The following REPS1 variants were observed in gnomAD, a reference collection of about 807,000 sequenced individuals.
The protein encoded by REPS1 is RALBP1 associated Eps domain containing 1.
Under a neutral mutation model 100.9 loss-of-function variants are expected in REPS1, and 39 were observed. That is an observed-to-expected ratio of 0.39 (90% CI 0.30 to 0.50). REPS1 has a LOEUF of 0.50. Ranked by LOEUF, REPS1 falls within the 20% of genes least tolerant of loss-of-function variation. The pLI, the probability that REPS1 is intolerant of heterozygous loss-of-function variation, is 0.86. For synonymous variants in REPS1, 324 were observed against 340.3 expected (o/e 0.95, Z 0.53); for missense variants, 821 against 968.5 (o/e 0.85, Z 2.02).
chr6:138,952,411 T>C (rs1212979971), intron 1 of REPS1, among the ~76,000 whole-genome samples: 3 of 151,902 alleles, frequency 2.0e-5, no homozygotes, highest in South Asian at 2.1e-4. Context: ...TTTTTTTTTT[T>C]CCTCTGAGAC....
At chr6:138,916,569 T>TA (rs1309474124) in intron 13 of REPS1, among the ~76,000 whole-genome samples, 2 of 152,102 alleles carry the variant, frequency 1.3e-5, no homozygotes, top group Non-Finnish European at 2.9e-5. Context: ...ACTGCATACT[T>TA]AGTGTTACGC....
intron 18 of REPS1, among the ~76,000 whole-genome samples, chr6:138,907,897 G>A (rs1779765714): frequency 6.6e-6 from 1 of 152,106 alleles, no homozygotes; most frequent in Non-Finnish European, 1.5e-5. Context: ...AAACCAGATA[G>A]TAAATAATTT....
At chr6:138,921,871 G>A (rs1179362422) in intron 10 of REPS1, among the ~76,000 whole-genome samples, 9 of 151,976 alleles carry the variant, frequency 5.9e-5, no homozygotes, top group South Asian at 2.1e-4. Flanking sequence ...CACTGCGCCC[G>A]GCCAGGTAGG....
chr6:138,909,862 T>C (rs1454474197), intron 17 of REPS1, among the ~76,000 whole-genome samples: 1 of 152,148 alleles, frequency 6.6e-6, no homozygotes, highest in Non-Finnish European at 1.5e-5. Context: ...AACAGACTAA[T>C]ACACACACAG....
chr6:138,937,516 T>C (rs918608191), intron 8 of REPS1, among the ~76,000 whole-genome samples: 4 of 149,278 alleles, frequency 2.7e-5, no homozygotes, highest in Middle Eastern at 3.4e-3. Context: ...TTCTCTTCTC[T>C]GGCTTAAAAA....
intron 13 of REPS1, among the ~76,000 whole-genome samples, chr6:138,917,213 T>C (rs1780458017): frequency 6.6e-6 from 1 of 152,190 alleles, no homozygotes; most frequent in African/African-American, 2.4e-5. Context: ...TTGGATGGTG[T>C]TTTAAAACAC....
rs1779819794 is a variant in REPS1, at chr6:138,908,701, G to C, written c.2183C>G (p.Ala728Gly). The change falls in exon 18 of 20, where the codon GCT becomes GGT. Residue 728 changes from alanine (A) to glycine (G), a missense_variant. Transcript: ENST00000450536. ...AGAAGGTTGTGATGCAAGAACAGCAGCTAAGACACCCGTCTTTTGTGTATG... is the reference window on the plus strand; with the variant it reads ...AGAAGGTTGTGATGCAAGAACAGCACCTAAGACACCCGTCTTTTGTGTATG... Reference protein sequence around the residue: ...DEHTQKTGVLAAVLASQPSIP... With the variant: ...DEHTQKTGVLGAVLASQPSIP... 1 of 1,614,174 alleles carries C rather than the reference G, an allele frequency of 6.2e-7. No individual in the cohort carries two copies. The highest frequency in any genetic ancestry group is 2.2e-5 in the East Asian group (1 of 44,882).
chr6:138,955,851 A>G (rs1783350564), intron 1 of REPS1, among the ~76,000 whole-genome samples: 1 of 152,182 alleles, frequency 6.6e-6, no homozygotes, highest in Admixed American at 6.5e-5. Context: ...ACTGAGGAAA[A>G]TAATACACTA....
chr6:138,914,800 TA>T (rs775556031), intron 14 of REPS1, 39 bp from the exon 15 acceptor site: 1 of 1,527,964 alleles, frequency 6.5e-7, no homozygotes, highest in Non-Finnish European at 9.0e-7. Flanking sequence ...AGTAACTGTA[TA>T]ATCACTTTGT....
At chr6:138,949,854 G>A (rs1782899362) in intron 1 of REPS1, among the ~76,000 whole-genome samples, 1 of 152,188 alleles carries the variant, frequency 6.6e-6, no homozygotes, top group South Asian at 2.1e-4. Flanking sequence ...AGCTGTAAGT[G>A]TGTGTAGAAT....
At chr6:138,985,529 C>T (rs1562575017) in intron 1 of REPS1, among the ~76,000 whole-genome samples, 2 of 152,208 alleles carry the variant, frequency 1.3e-5, no homozygotes, top group Non-Finnish European at 2.9e-5. Flanking sequence ...GGGAATTAAG[C>T]ACATATTCTC....
chr6:138,935,396 TA>T (rs1562532079), intron 8 of REPS1, among the ~76,000 whole-genome samples: 3 of 152,202 alleles, frequency 2.0e-5, no homozygotes, highest in African/African-American at 7.2e-5. Flanking sequence ...CTACAATATA[TA>T]GGAGGTTCCT....
At chr6:138,905,158 A>C (rs1779548106) in intron 19 of REPS1, 26 bp from the exon 20 acceptor site, 1 of 1,414,248 alleles carries the variant, frequency 7.1e-7, no homozygotes, top group Non-Finnish European at 1.0e-6. Flanking sequence ...AGGCCAAGTT[A>C]TGTTTCAAAG....
chr6:138,933,652 T>A (rs574692311), intron 8 of REPS1, among the ~76,000 whole-genome samples: 2 of 152,260 alleles, frequency 1.3e-5, no homozygotes, highest in East Asian at 3.9e-4. Flanking sequence ...GTAAAAGAAA[T>A]TTGCAAAAAT....
chr6:138,942,096 T>G (rs1047585280), intron 7 of REPS1, among the ~76,000 whole-genome samples: 3 of 152,046 alleles, frequency 2.0e-5, no homozygotes, highest in African/African-American at 7.2e-5. Context: ...CCACCTGCCT[T>G]GGGCTCCCAA....
chr6:138,943,295 T>C lies in REPS1; in HGVS notation c.980+218A>G, dbSNP rs144065138. Reference sequence around the variant, plus strand: ...GCAACAAAAAAACAGCTGATACAGCTTAAAGAATTTTAGCTCTTTACAAAG... The same window carrying C: ...GCAACAAAAAAACAGCTGATACAGCCTAAAGAATTTTAGCTCTTTACAAAG... On this transcript the variant is annotated intron_variant, in intron 7 of 19. Transcript: ENST00000450536. 3.9e-3 allele frequency among the ~76,000 whole-genome samples: 590 copies of C among 152,346 alleles called. 3 individuals carry two copies. The highest frequency in any genetic ancestry group is 0.02 in the Middle Eastern group (6 of 294).
chr6:138,914,637 A>G, intron 15 of REPS1, 60 bp downstream of exon 15: 1 of 1,325,900 alleles, frequency 7.5e-7, no homozygotes, highest in Non-Finnish European at 1.1e-6. Context: ...GAATAGAATT[A>G]AATACCTAGC....
At chr6:138,981,939 T>G (rs1252522957) in intron 1 of REPS1, among the ~76,000 whole-genome samples, 1 of 152,124 alleles carries the variant, frequency 6.6e-6, no homozygotes, top group African/African-American at 2.4e-5. Flanking sequence ...TGACTGAAAC[T>G]AGCACAAGAA....
At chr6:138,974,479 G>GT (rs1170998867) in intron 1 of REPS1, among the ~76,000 whole-genome samples, 1 of 152,162 alleles carries the variant, frequency 6.6e-6, no homozygotes, top group African/African-American at 2.4e-5. Context: ...GTGTTTAGGG[G>GT]TTGTTTATAC....
Sources: allele counts gnomAD v4.1 joint callset (sites outside exome capture counted in the v4.1 genomes callset), GRCh38; gene constraint gnomAD v4.1.1; transcripts MANE v1.5; gene names NCBI Gene and HGNC (gene_info 2026-07-23, HGNC 2026-07-21).